The following ST6GALNAC3 variants were observed in gnomAD, a reference collection of about 807,000 sequenced individuals.
ST6GALNAC3 encodes the protein ST6 N-acetylgalactosaminide alpha-2,6-sialyltransferase 3.
In ST6GALNAC3, 25 loss-of-function variants were observed where a neutral mutation model predicts 32.7. The ratio of observed to expected loss-of-function variants is 0.76; its 90% confidence interval spans 0.56 to 1.07. ST6GALNAC3 has a LOEUF of 1.07. ST6GALNAC3 is among the 50% of genes least tolerant of loss of function. ST6GALNAC3 has a pLI of 0.00. For synonymous variants in ST6GALNAC3, 129 were observed against 133.1 expected (o/e 0.97, Z 0.21); for missense variants, 355 against 382.4 (o/e 0.93, Z 0.60).
intron 1 of ST6GALNAC3, among the ~76,000 whole-genome samples, chr1:76,217,307 A>G (rs1655520997): frequency 6.6e-6 from 1 of 152,240 alleles, no homozygotes. Flanking sequence ...TCTTTTAATC[A>G]TAATCCAGAG....
chr1:76,112,124 T>C (rs1240541326), intron 1 of ST6GALNAC3, among the ~76,000 whole-genome samples: 33 of 82,374 alleles, frequency 4.0e-4, no homozygotes, highest in East Asian at 1.2e-3. Context: ...GGGCTGACAC[T>C]CCCACCTCCC....
At chr1:76,104,500 C>A (rs955738143) in intron 1 of ST6GALNAC3, among the ~76,000 whole-genome samples, 1 of 152,056 alleles carries the variant, frequency 6.6e-6, no homozygotes, top group Non-Finnish European at 1.5e-5. Flanking sequence ...AGGACTTAAA[C>A]ACAAATCTTT....
chr1:76,274,328 G>A (rs6657540), intron 1 of ST6GALNAC3, among the ~76,000 whole-genome samples: 9 of 152,132 alleles, frequency 5.9e-5, no homozygotes, highest in Non-Finnish European at 8.8e-5. Flanking sequence ...CATACCTGCT[G>A]TGTGACGGGA....
At chr1:76,391,747 T>C (rs1417384173) in intron 2 of ST6GALNAC3, among the ~76,000 whole-genome samples, 1 of 152,176 alleles carries the variant, frequency 6.6e-6, no homozygotes, top group East Asian at 1.9e-4. Flanking sequence ...TTCCTCCATC[T>C]AGTTTTCATC....
At chr1:76,108,314 A>G (rs1647678036) in intron 1 of ST6GALNAC3, among the ~76,000 whole-genome samples, 1 of 152,204 alleles carries the variant, frequency 6.6e-6, no homozygotes, top group African/African-American at 2.4e-5. Context: ...TGAAAGCTAC[A>G]GGCTCTTTTT....
chr1:76,613,358 T>C (rs1648065382), intron 3 of ST6GALNAC3, among the ~76,000 whole-genome samples: 2 of 152,212 alleles, frequency 1.3e-5, no homozygotes, highest in African/African-American at 2.4e-5. Flanking sequence ...ATACTGTGTA[T>C]GGCCAGGCCT....
intron 1 of ST6GALNAC3, among the ~76,000 whole-genome samples, chr1:76,159,871 G>A (rs1317995913): frequency 6.6e-6 from 1 of 152,160 alleles, no homozygotes; most frequent in African/African-American, 2.4e-5. Context: ...AGGAATTACT[G>A]TGGTTGTTCT....
At chr1:76,582,027 G>A (rs554762353) in intron 3 of ST6GALNAC3, among the ~76,000 whole-genome samples, 16 of 152,068 alleles carry the variant, frequency 1.1e-4, no homozygotes, top group East Asian at 3.9e-4. Context: ...TTTTTACGCC[G>A]CTTGTCCATT....
intron 3 of ST6GALNAC3, among the ~76,000 whole-genome samples, chr1:76,468,195 A>G (rs997638044): frequency 9.9e-5 from 15 of 151,884 alleles, no homozygotes; most frequent in African/African-American, 3.4e-4. Context: ...CCCATATGTA[A>G]AATGTTTTGA....
chr1:76,500,038 A>G (rs1458314763), intron 3 of ST6GALNAC3, among the ~76,000 whole-genome samples: 1 of 148,388 alleles, frequency 6.7e-6, no homozygotes, highest in Admixed American at 6.8e-5. Flanking sequence ...GTGGAGATTT[A>G]AAAAAAAAAG....
intron 1 of ST6GALNAC3, among the ~76,000 whole-genome samples, chr1:76,301,066 T>C (rs529993576): frequency 6.6e-6 from 1 of 152,136 alleles, no homozygotes; most frequent in South Asian, 2.1e-4. Flanking sequence ...CTTTTCTGTG[T>C]TATCTAAGTA....
intron 1 of ST6GALNAC3, among the ~76,000 whole-genome samples, chr1:76,153,890 C>T (rs1052641664): frequency 6.6e-6 from 1 of 152,118 alleles, no homozygotes; most frequent in African/African-American, 2.4e-5. Context: ...AACGGGCGCC[C>T]CTCAGCAATG....
At chr1:76,323,497 A>T (rs557812610) in intron 2 of ST6GALNAC3, among the ~76,000 whole-genome samples, 49 of 152,330 alleles carry the variant, frequency 3.2e-4, no homozygotes, top group African/African-American at 1.1e-3. Context: ...CCTAGTCAAC[A>T]AATTCCTTTA....
At chr1:76,164,836 ATG>A (rs1218126434) in intron 1 of ST6GALNAC3, among the ~76,000 whole-genome samples, 4 of 152,196 alleles carry the variant, frequency 2.6e-5, no homozygotes, top group Non-Finnish European at 5.9e-5. Context: ...GAAAAAAAAT[ATG>A]TGATTGAAAA....
chr1:76,300,273 G>C (rs145291573), intron 1 of ST6GALNAC3, among the ~76,000 whole-genome samples: 2 of 152,068 alleles, frequency 1.3e-5, no homozygotes, highest in East Asian at 3.9e-4. Context: ...GTAGACAGTG[G>C]CTCCAATTTT....
chr1:76,443,624 A>T (rs2101520264), intron 3 of ST6GALNAC3, among the ~76,000 whole-genome samples: 1 of 152,316 alleles, frequency 6.6e-6, no homozygotes, highest in Admixed American at 6.5e-5. Flanking sequence ...CCTCATCAAG[A>T]ATCCTAAACC....
intron 3 of ST6GALNAC3, among the ~76,000 whole-genome samples, chr1:76,518,820 T>A (rs564323152): frequency 1.1e-4 from 16 of 152,264 alleles, no homozygotes; most frequent in African/African-American, 3.4e-4. Flanking sequence ...ATCCCAGCAC[T>A]TTGGGAGGCC....
At chr1:76,413,312 A>C (rs1654396108) in intron 3 of ST6GALNAC3, among the ~76,000 whole-genome samples, 1 of 152,174 alleles carries the variant, frequency 6.6e-6, no homozygotes, top group African/African-American at 2.4e-5. Flanking sequence ...TGTTAAGGGA[A>C]GATATTGAAA....
chr1:76,590,808 A>G (rs1370354090), intron 3 of ST6GALNAC3, among the ~76,000 whole-genome samples: 2 of 152,086 alleles, frequency 1.3e-5, no homozygotes. Context: ...ACTTAATTGT[A>G]CTTGTGTCCA....
Sources: gnomAD v4.1 joint callset for allele counts (sites outside exome capture counted in the v4.1 genomes callset) on GRCh38, gnomAD v4.1.1 for gene constraint, MANE v1.5 for transcripts, NCBI Gene and HGNC (gene_info 2026-07-23, HGNC 2026-07-21) for gene names.